The following SND1 variants were observed in gnomAD, a reference collection of about 807,000 sequenced individuals.
SND1 encodes staphylococcal nuclease and tudor domain containing 1.
SND1 carries 38 observed loss-of-function variants against 121.7 expected under a neutral mutation model. The ratio of observed to expected loss-of-function variants is 0.31; its 90% CI spans 0.24 to 0.41. The LOEUF (loss-of-function observed/expected upper bound fraction) is 0.41. Among genes scored for constraint, SND1 ranks in the 10% least tolerant of loss-of-function variants. The pLI, the probability that SND1 is intolerant of heterozygous loss-of-function variation, is 1.00. For synonymous variants in SND1, 401 were observed against 447.4 expected, an observed-to-expected ratio of 0.90 and a Z score of 1.31; for missense variants, 868 against 1,184.6, an observed-to-expected ratio of 0.73 and a Z score of 3.92.
At chr7:127,974,897 T>A (rs1041838254) in intron 15 of SND1, among the ~76,000 whole-genome samples, 9 of 152,178 alleles carry the variant, frequency 5.9e-5, no homozygotes, top group Non-Finnish European at 1.0e-4. Context: ...TCTTCCTTTG[T>A]CCCCTGGGTC....
At chr7:127,766,479 T>C (rs967571139) in intron 10 of SND1, among the ~76,000 whole-genome samples, 5 of 152,164 alleles carry the variant, frequency 3.3e-5, no homozygotes, top group Admixed American at 6.5e-5. Context: ...ATTTAATAGT[T>C]CTTTTCTTAT....
At chr7:127,948,279 A>G (rs1026658748) in intron 15 of SND1, among the ~76,000 whole-genome samples, 4 of 152,144 alleles carry the variant, frequency 2.6e-5, no homozygotes, top group African/African-American at 9.7e-5. Flanking sequence ...CCCCATTGTT[A>G]ACTCCAGGTT....
chr7:128,087,663 T>G (rs1793708361), intron 21 of SND1, among the ~76,000 whole-genome samples: 1 of 152,098 alleles, frequency 6.6e-6, no homozygotes, highest in Non-Finnish European at 1.5e-5. Flanking sequence ...AGTTTTCAGT[T>G]GGGGAGTGAG....
intron 10 of SND1, among the ~76,000 whole-genome samples, chr7:127,768,558 A>G (rs1797459286): frequency 1.3e-5 from 2 of 152,218 alleles, no homozygotes; most frequent in Non-Finnish European, 2.9e-5. Flanking sequence ...CTGACTAAAA[A>G]TTTAGAGACG....
chr7:127,884,628 C>G (rs1032246650), intron 12 of SND1, among the ~76,000 whole-genome samples: 2 of 152,120 alleles, frequency 1.3e-5, no homozygotes, highest in African/African-American at 4.8e-5. Flanking sequence ...CCTTCATTCC[C>G]TCCATTCTGC....
chr7:127,706,252 T>TCCCCCCCCCCC (rs796132526), intron 8 of SND1, among the ~76,000 whole-genome samples: 5 of 63,026 alleles, frequency 7.9e-5, no homozygotes, highest in Non-Finnish European at 1.1e-4. Flanking sequence ...TTGCCCCCCC[T>TCCCCCCCCCCC]CCCCCCCCCC....
chr7:127,732,086 T>C (rs145108048), intron 10 of SND1, among the ~76,000 whole-genome samples: 192 of 152,324 alleles, frequency 1.3e-3, no homozygotes, highest in African/African-American at 4.3e-3. Context: ...ATGGTGGATC[T>C]GGAGACTTCG....
intron 15 of SND1, among the ~76,000 whole-genome samples, chr7:127,946,027 G>A (rs1019590176): frequency 2.0e-5 from 3 of 152,198 alleles, no homozygotes; most frequent in Admixed American, 2.0e-4. Flanking sequence ...CACTGCATCT[G>A]CGTGTACTCT....
chr7:128,000,782 C>T (rs1802808628), intron 16 of SND1, among the ~76,000 whole-genome samples: 1 of 152,206 alleles, frequency 6.6e-6, no homozygotes, highest in African/African-American at 2.4e-5. Context: ...TATGGAATTA[C>T]ATAATTCAAC....
At chr7:127,872,897 T>C (rs1301436811) in intron 12 of SND1, among the ~76,000 whole-genome samples, 1 of 152,146 alleles carries the variant, frequency 6.6e-6, no homozygotes, top group Non-Finnish European at 1.5e-5. Context: ...AGAAAATAAC[T>C]AGGAGAATAT....
chr7:127,889,901 C>G (rs1799978931), intron 13 of SND1, among the ~76,000 whole-genome samples: 1 of 151,968 alleles, frequency 6.6e-6, no homozygotes, highest in Non-Finnish European at 1.5e-5. Flanking sequence ...GTATAAGTAC[C>G]ACAGTTTCTT....
chr7:128,027,963 CCTTT>C (rs1341804031), intron 16 of SND1: 1 of 152,562 alleles, frequency 6.6e-6, no homozygotes, highest in African/African-American at 2.4e-5. Flanking sequence ...CTTCTCTGCT[CCTTT>C]CTAAGCAATT....
At chr7:128,047,212 A>T (rs530568378) in intron 16 of SND1, among the ~76,000 whole-genome samples, 11 of 152,340 alleles carry the variant, frequency 7.2e-5, no homozygotes, top group African/African-American at 1.7e-4. Context: ...AGAAAAAAGG[A>T]TGGGCACCTG....
At chr7:127,694,530 A>G (rs978264883) in intron 2 of SND1, among the ~76,000 whole-genome samples, 1 of 152,234 alleles carries the variant, frequency 6.6e-6, no homozygotes, top group South Asian at 2.1e-4. Flanking sequence ...AAAGTAAGCT[A>G]TAACTCTGAA....
intron 10 of SND1, among the ~76,000 whole-genome samples, chr7:127,732,044 G>A (rs966884212): frequency 6.6e-6 from 1 of 152,208 alleles, no homozygotes; most frequent in Non-Finnish European, 1.5e-5. Flanking sequence ...GTGGGAACAC[G>A]CTGTCTCTTT....
At chr7:128,053,792 A>G (rs1793088760) in intron 16 of SND1, among the ~76,000 whole-genome samples, 1 of 152,034 alleles carries the variant, frequency 6.6e-6, no homozygotes, top group African/African-American at 2.4e-5. Flanking sequence ...ATTCTCTGGT[A>G]TTGCTTCCCT....
At chr7:127,832,220 G>A (rs940267588) in intron 11 of SND1, among the ~76,000 whole-genome samples, 5 of 152,206 alleles carry the variant, frequency 3.3e-5, no homozygotes, top group African/African-American at 1.2e-4. Context: ...TACTATGAAT[G>A]CAAAGGACAC....
intron 15 of SND1, among the ~76,000 whole-genome samples, chr7:127,973,217 G>A (rs1421210250): frequency 6.6e-6 from 1 of 152,150 alleles, no homozygotes; most frequent in Non-Finnish European, 1.5e-5. Context: ...GGTTTGATGA[G>A]GTCAGTTTTG....
chr7:127,701,289 C>T lies in SND1; in HGVS notation c.555C>T (p.His185=). The change falls in exon 5 of 24, where the codon CAC becomes CAT. Residue 185 remains histidine (H), a synonymous_variant. Coordinates refer to ENST00000354725, the MANE Select transcript of SND1 (RefSeq NM_014390.4). ...DLKYTIENPR[H]FVDSHHQKPV... ...AGTATACCATTGAAAACCCAAGGCA[C>T]TTTGTGGACTCACACCACCAGAAGC... 6.2e-7 allele frequency: 1 copy of T among 1,614,068 alleles called. No individual in the cohort carries two copies. The highest frequency in any genetic ancestry group is 8.5e-7 in the Non-Finnish European group (1 of 1,179,950).
Sources: allele counts gnomAD v4.1 joint callset (sites outside exome capture counted in the v4.1 genomes callset), GRCh38; gene constraint gnomAD v4.1.1; transcripts MANE v1.5; gene names NCBI Gene and HGNC (gene_info 2026-07-23, HGNC 2026-07-21).